Variants in BAZ2B observed in about 807,000 individuals in gnomAD.
BAZ2B encodes the protein bromodomain adjacent to zinc finger domain 2B, also known as bromodomain adjacent to zinc finger domain protein 2B.
Under a neutral mutation model 246.0 loss-of-function variants are expected in BAZ2B, and 91 were observed. The observed-to-expected ratio is 0.37, with a 90% CI of 0.31 to 0.44. The LOEUF (loss-of-function observed/expected upper bound fraction) is 0.44. BAZ2B is among the 20% of genes least tolerant of loss of function. The probability of loss-of-function intolerance (pLI) is 1.00; values close to 1 mark genes in which losing one functional copy is unlikely to be tolerated. For missense variants in BAZ2B, 2,332 were observed against 2,533.7 expected (o/e 0.92, Z 1.71); for synonymous variants, 855 against 860.0 (o/e 0.99, Z 0.10).
rs34450681 is a variant in BAZ2B at position 159,502,467 on chromosome 2, GAA to G, written c.-2-23748_-2-23747del. On this transcript the variant is annotated intron_variant, in intron 2 of 36. Coordinates refer to ENST00000392783, the MANE Select transcript of BAZ2B (RefSeq NM_013450.4). ...TGGCAAGACTCCGTCTCTCAAAAAGGAAAAAAAAAAAAAAAAATTAGCCAAGC... is the reference window on the plus strand; with the variant it reads ...TGGCAAGACTCCGTCTCTCAAAAAGGAAAAAAAAAAAAAAATTAGCCAAGC... Among the ~76,000 whole-genome samples the G allele has an allele frequency of 5.7e-3, 778 of 137,658 alleles. 5 individuals are homozygous for G. Among genetic ancestry groups the G allele is most frequent in the African/African-American group, 0.014 (497 of 36,792 alleles). The allele number at this position is 137,658 out of a possible 152,430, so 90.3% of individuals were successfully genotyped here. A position where few individuals can be genotyped will look rare whatever the true frequency, so the allele number is the denominator to read the frequency against.
intron 27 of BAZ2B, among the ~76,000 whole-genome samples, chr2:159,361,696 GA>G (rs2059708208): frequency 6.6e-6 from 1 of 152,072 alleles, no homozygotes; most frequent in African/African-American, 2.4e-5. Flanking sequence ...CAAAGACTTG[GA>G]ACCAACTCAA....
intron 2 of BAZ2B, among the ~76,000 whole-genome samples, chr2:159,495,442 G>A (rs1168415040): frequency 3.2e-5 from 4 of 126,460 alleles, no homozygotes; most frequent in African/African-American, 1.3e-4. Context: ...CCGAGATCGC[G>A]CCTCTGCACT....
At chr2:159,670,491 C>A in the BAZ2B span, among the ~76,000 whole-genome samples, 823 of 152,252 alleles carry the variant, frequency 5.4e-3, 10 homozygotes, top group Admixed American at 0.023. Context: ...CCTTTAATCA[C>A]CTGCCCCCTT....
the BAZ2B span, among the ~76,000 whole-genome samples, chr2:159,676,420 T>C: frequency 6.6e-6 from 1 of 152,192 alleles, no homozygotes; most frequent in Admixed American, 6.5e-5. Context: ...TATTTGTATA[T>C]ATGCACACAC....
chr2:159,601,448 T>C (rs1458808150), intron 1 of BAZ2B, among the ~76,000 whole-genome samples: 1 of 141,310 alleles, frequency 7.1e-6, no homozygotes, highest in Admixed American at 7.2e-5. Context: ...AAAGGCTGGG[T>C]GCGGTGGCTC....
chr2:159,344,363 C>T (rs895965119), intron 31 of BAZ2B, among the ~76,000 whole-genome samples: 2 of 151,570 alleles, frequency 1.3e-5, no homozygotes, highest in African/African-American at 2.4e-5. Flanking sequence ...GGAGAAACCC[C>T]GTCTCTACTA....
intron 1 of BAZ2B, among the ~76,000 whole-genome samples, chr2:159,614,635 A>G (rs1040963213): frequency 2.0e-5 from 3 of 152,140 alleles, no homozygotes; most frequent in Non-Finnish European, 2.9e-5. Context: ...TAAAAAAAAA[A>G]GTACACAAAA....
chr2:159,640,359 T>TGAA, the BAZ2B span, among the ~76,000 whole-genome samples: 7 of 152,156 alleles, frequency 4.6e-5, no homozygotes, highest in Non-Finnish European at 8.8e-5. Flanking sequence ...GCCTCATAGC[T>TGAA]ATTTACAGAA....
the BAZ2B span, among the ~76,000 whole-genome samples, chr2:159,642,795 A>G: frequency 6.6e-6 from 1 of 152,190 alleles, no homozygotes; most frequent in Admixed American, 6.5e-5. Flanking sequence ...TAACGTAGGG[A>G]ATGTTCACCT....
At chr2:159,556,606 G>A (rs1211685794) in intron 1 of BAZ2B, among the ~76,000 whole-genome samples, 1 of 144,456 alleles carries the variant, frequency 6.9e-6, no homozygotes, top group Admixed American at 6.7e-5. Flanking sequence ...GACTACAAGT[G>A]TGCACCACCA....
intron 3 of BAZ2B, chr2:159,463,042 T>A: frequency 2.7e-6 from 2 of 731,684 alleles, no homozygotes; most frequent in Admixed American, 3.9e-5. Flanking sequence ...TATGACCTGA[T>A]CTTCACATCC....
chr2:159,599,394 G>A (rs1691533557), intron 1 of BAZ2B, among the ~76,000 whole-genome samples: 1 of 151,958 alleles, frequency 6.6e-6, no homozygotes, highest in African/African-American at 2.4e-5. Flanking sequence ...TGAGGCAGGC[G>A]GATTACCTGA....
Position 159,389,454 on chromosome 2 carries a change from T to A in BAZ2B, c.3107A>T (p.Asp1036Val). 1 of 1,608,506 alleles carries A rather than the reference T, an allele frequency of 6.2e-7. No individual in the cohort carries two copies. Among genetic ancestry groups the A allele is most frequent in the Non-Finnish European group, 8.5e-7 (1 of 1,178,078 alleles). The change falls in exon 21 of 37, where the codon GAT (aspartate) becomes GTT (valine). Residue 1036 changes from aspartate (D) to valine (V), a missense_variant. By Grantham distance (152) the Asp-to-Val change is radical. Around this residue, in one of 9 missense-constraint regions of BAZ2B, gnomAD observed 328 missense variants for 410.4 expected, o/e 0.80. Coordinates refer to ENST00000392783, the MANE Select transcript of BAZ2B (RefSeq NM_013450.4). Reference protein sequence around the residue: ...EKERLKQEKRDEKRLNKERKL... With the variant: ...EKERLKQEKRVEKRLNKERKL... ...ACGCTCTTTATTTAATCTTTTCTCA[T>A]CACGTTTTTCTTGTTTCAACCGCTC... is the stretch of plus-strand genomic sequence containing the variant.
chr2:159,390,077 A>G (rs1041982146), intron 20 of BAZ2B, among the ~76,000 whole-genome samples: 2 of 152,152 alleles, frequency 1.3e-5, no homozygotes, highest in African/African-American at 4.8e-5. Context: ...GTGATTTTCT[A>G]TAATACCATT....
At chr2:159,382,424 T>C (rs908868085) in intron 25 of BAZ2B, 135 bp downstream of exon 25, 2 of 942,156 alleles carry the variant, frequency 2.1e-6, no homozygotes, top group Non-Finnish European at 3.1e-6. Flanking sequence ...GTAATATTTG[T>C]TTTTCAGATG....
At chr2:159,340,748 C>G (rs1468723315) in intron 31 of BAZ2B, among the ~76,000 whole-genome samples, 2 of 151,864 alleles carry the variant, frequency 1.3e-5, no homozygotes, top group African/African-American at 2.4e-5. Context: ...GCTAAACATG[C>G]AAGAAATGCT....
At chr2:159,562,521 A>C (rs2089976690) in intron 1 of BAZ2B, among the ~76,000 whole-genome samples, 2 of 152,210 alleles carry the variant, frequency 1.3e-5, no homozygotes, top group South Asian at 4.1e-4. Flanking sequence ...CAGTAGAGGA[A>C]GGAGGTAGTA....
At chr2:159,543,535 C>CTT (rs199527937) in intron 2 of BAZ2B, among the ~76,000 whole-genome samples, 1,759 of 127,270 alleles carry the variant, frequency 0.014, 56 homozygotes, top group African/African-American at 0.047. Flanking sequence ...CTTAACAATT[C>CTT]TTTTTTTTTT....
At chr2:159,642,603 A>T in the BAZ2B span, among the ~76,000 whole-genome samples, 1 of 152,210 alleles carries the variant, frequency 6.6e-6, no homozygotes, top group Non-Finnish European at 1.5e-5. Flanking sequence ...AATTTTTGGC[A>T]AAACATGGAA....
Sources: gnomAD v4.1 joint callset for allele counts (sites outside exome capture counted in the v4.1 genomes callset) on GRCh38, gnomAD v4.1.1 for gene constraint, gnomAD v4.1.1 regional missense constraint, MANE v1.5 for transcripts, NCBI Gene and HGNC (gene_info 2026-07-23, HGNC 2026-07-21) for gene names.